The following RNF17 variants were observed in gnomAD, a reference collection of about 807,000 sequenced individuals.
RNF17 encodes the protein spermatogenesis associated 23.
In RNF17, 31 loss-of-function variants were observed where a neutral mutation model predicts 200.5. That is an observed-to-expected ratio of 0.15 (90% CI 0.12 to 0.21). The LOEUF (loss-of-function observed/expected upper bound fraction) is 0.21. RNF17 is among the 10% of genes least tolerant of loss of function. The probability of loss-of-function intolerance (pLI) is 1.00; values close to 1 mark genes in which losing one functional copy is unlikely to be tolerated. For missense variants in RNF17, 1,628 were observed against 1,905.1 expected, an observed-to-expected ratio of 0.85 and a Z score of 2.71; for synonymous variants, 606 against 637.8, an observed-to-expected ratio of 0.95 and a Z score of 0.75.
downstream of RNF17, chr13:24,884,562 A>C (rs780883310): frequency 1.9e-5 from 22 of 1,142,932 alleles, no homozygotes; most frequent in Non-Finnish European, 2.9e-5. Context: ...TTTGTAATAA[A>C]ATGTAAAACA....
chr13:24,883,073 C>A, downstream of RNF17: 1 of 1,047,780 alleles, frequency 9.5e-7, no homozygotes, highest in Non-Finnish European at 1.5e-6. Context: ...AGAATCTAAT[C>A]TTTTCCCCAC....
intron 10 of RNF17, among the ~76,000 whole-genome samples, chr13:24,794,569 G>T (rs1884301945): frequency 6.6e-6 from 1 of 152,092 alleles, no homozygotes; most frequent in Non-Finnish European, 1.5e-5. Flanking sequence ...CAGCTATTCA[G>T]GAGGCTGAGG....
rs189050538 is a variant in RNF17, at chr13:24,859,021, A to T, written c.3631A>T (p.Thr1211Ser). ...TTCAGAATTTGAGCTAATAAAAATG[A>T]CAAATGAAATTCAAAGTAATTTAAA... The part of the protein sequence containing the change: ...KLSEFELIKM[T>S]NEIQSNLKCL... The change falls in exon 26 of 36, where the codon ACA becomes TCA. Residue 1211 changes from threonine to serine, a missense_variant. By Grantham distance (58) the Thr-to-Ser change is moderately conservative. Transcript: ENST00000255324. 6.3e-7 allele frequency: 1 copy of T among 1,590,664 alleles called. No individual in the cohort carries two copies. The highest frequency in any genetic ancestry group is 2.2e-5 in the East Asian group (1 of 44,722).
intron 24 of RNF17, among the ~76,000 whole-genome samples, chr13:24,853,514 G>A (rs574599302): frequency 1.3e-5 from 2 of 152,074 alleles, no homozygotes; most frequent in African/African-American, 4.8e-5. Flanking sequence ...CCAGATGTCT[G>A]TTCTATGTGT....
At chr13:24,843,686 C>A (rs992447575) in intron 19 of RNF17, 58 bp from the exon 20 acceptor site, 35 of 997,852 alleles carry the variant, frequency 3.5e-5, no homozygotes, top group Non-Finnish European at 4.5e-5. Context: ...CAGACCTGAG[C>A]AAATGCAAAC....
At chr13:24,760,077 G>C (rs1483306099), upstream of RNF17, among the ~76,000 whole-genome samples, 3 of 152,056 alleles carry the variant, frequency 2.0e-5, no homozygotes, top group Admixed American at 2.0e-4. Context: ...GGAGGCAGAG[G>C]TTGCAGCGAG....
At chr13:24,876,126 A>C (rs1165677725) in intron 33 of RNF17, among the ~76,000 whole-genome samples, 3 of 152,198 alleles carry the variant, frequency 2.0e-5, no homozygotes, top group African/African-American at 7.2e-5. Flanking sequence ...TCACATTGAC[A>C]TGGTTATATT....
chr13:24,780,912 T>G (rs1882270363), intron 5 of RNF17, among the ~76,000 whole-genome samples: 1 of 151,814 alleles, frequency 6.6e-6, no homozygotes, highest in South Asian at 2.1e-4. Context: ...TAATAAAAAT[T>G]AAAATCTCAC....
At chr13:24,847,453 C>A (rs1057040263) in intron 22 of RNF17, among the ~76,000 whole-genome samples, 1 of 151,444 alleles carries the variant, frequency 6.6e-6, no homozygotes, top group Non-Finnish European at 1.5e-5. Flanking sequence ...TCAAGCGATT[C>A]TCCCACCTCA....
At chr13:24,883,388 AT>A (rs781661929), downstream of RNF17, 73 of 1,552,322 alleles carry the variant, frequency 4.7e-5, no homozygotes, top group East Asian at 4.5e-5. Flanking sequence ...TTTAAAAAAA[AT>A]ATGATTTCTT....
At chr13:24,747,824 G>C in the RNF17 span, among the ~76,000 whole-genome samples, 1 of 152,384 alleles carries the variant, frequency 6.6e-6, no homozygotes, top group Non-Finnish European at 1.5e-5. Context: ...CAAACCTCGG[G>C]AGAGAAGGTG....
chr13:24,862,637 T>C lies in RNF17; in HGVS notation c.3895-76T>C. 3.4e-6 allele frequency: 3 copies of C among 873,646 alleles called. No individual in the cohort carries two copies. In the Admixed American group the frequency reaches 5.3e-5, roughly 15 times the overall value. The allele number at this position is 873,646 out of a possible 1,614,324, so 54.1% of individuals were successfully genotyped here. A position where few individuals can be genotyped will look rare whatever the true frequency, so the allele number is the denominator to read the frequency against. ...CTGATATTATTTGTTTATGGCTACT[T>C]TTGTGTATCTTAATTTGCTTCCTGC... On this transcript the variant is annotated intron_variant, in intron 27 of 35. Transcript: ENST00000255324.
Position 24,797,705 on chromosome 13 carries a change from A to AGTGTGTGTGTGTGTGTGTGTGT in RNF17, c.1399+1429_1399+1450dup, listed in dbSNP as rs777888152. On this transcript the variant is annotated intron_variant, in intron 11 of 35. Coordinates refer to ENST00000255324, the MANE Select transcript of RNF17 (RefSeq NM_031277.3). Reference sequence around the variant, plus strand: ...GAGAGAGAGAGAGAGAGAGACAAAGAGTGTGTGTGTGTGTGTGTGTGTGTG... The same window carrying AGTGTGTGTGTGTGTGTGTGTGT: ...GAGAGAGAGAGAGAGAGAGACAAAGAGTGTGTGTGTGTGTGTGTGTGTGTGTGTGTGTGTGTGTGTGTGTGTG... Among the ~76,000 whole-genome samples the AGTGTGTGTGTGTGTGTGTGTGT allele has an allele frequency of 2.7e-3, 318 of 119,058 alleles. 4 individuals are homozygous for AGTGTGTGTGTGTGTGTGTGTGT. The highest frequency in any genetic ancestry group is 4.3e-3 in the Non-Finnish European group (246 of 57,562). 78.1% of individuals were successfully genotyped at this position (119,058 alleles called of 152,430 possible). A position where few individuals can be genotyped will look rare whatever the true frequency, so the allele number is the denominator to read the frequency against.
chr13:24,750,960 G>A, the RNF17 span: 1 of 151,826 alleles, frequency 6.6e-6, no homozygotes, highest in African/African-American at 2.4e-5. Context: ...TAGGTCCTTT[G>A]GCACACTTTT....
At chr13:24,883,636 T>C (rs1406956217), downstream of RNF17, among the ~76,000 whole-genome samples, 1 of 152,222 alleles carries the variant, frequency 6.6e-6, no homozygotes, top group Non-Finnish European at 1.5e-5. Context: ...TTTTGGTTGT[T>C]ATATTAAAAG....
At chr13:24,780,796 C>T (rs905858837) in intron 5 of RNF17, among the ~76,000 whole-genome samples, 10 of 151,990 alleles carry the variant, frequency 6.6e-5, no homozygotes, top group Admixed American at 4.6e-4. Flanking sequence ...GCATGAGAAT[C>T]GCTTGAACCC....
chr13:24,885,731 G>A, the RNF17 span: 1 of 1,147,108 alleles, frequency 8.7e-7, no homozygotes, highest in South Asian at 1.2e-5. Context: ...TTATTAGTAT[G>A]ATCACACATT....
rs983633724 is a variant in RNF17 at position 24,851,583 on chromosome 13, T to C, written c.3320+12T>C. On this transcript the variant is annotated intron_variant, in intron 24 of 35. Transcript: ENST00000255324. ...TTGAGAGAAAGGAGGTATAGACTTT[T>C]TTAAAAAATTTTGACATCAGTTTGT... 6.4e-7 allele frequency: 1 copy of C among 1,562,570 alleles called. No individual in the cohort carries two copies. Among genetic ancestry groups the C allele is most frequent in the African/African-American group, 1.4e-5 (1 of 72,788 alleles).
chr13:24,770,710 A>G (rs1231574269), intron 2 of RNF17, among the ~76,000 whole-genome samples: 1 of 152,230 alleles, frequency 6.6e-6, no homozygotes, highest in Non-Finnish European at 1.5e-5. Flanking sequence ...CCAAAGATGT[A>G]TATTTCACAA....
Sources: allele counts gnomAD v4.1 joint callset (sites outside exome capture counted in the v4.1 genomes callset), GRCh38; gene constraint gnomAD v4.1.1; transcripts MANE v1.5; gene names NCBI Gene and HGNC (gene_info 2026-07-23, HGNC 2026-07-21).